The following CLSTN2 variants were observed in gnomAD, a reference collection of about 807,000 sequenced individuals.
CLSTN2 encodes the protein calsyntenin 2, also known as calsyntenin-2.
Under a neutral mutation model 101.2 loss-of-function variants are expected in CLSTN2, and 48 were observed. That is an observed-to-expected ratio of 0.47 (90% confidence interval 0.38 to 0.60). The LOEUF (loss-of-function observed/expected upper bound fraction) is 0.60. Ranked by LOEUF, CLSTN2 falls within the 20% of genes least tolerant of loss-of-function variation. CLSTN2 has a pLI of 0.00. For missense variants in CLSTN2, 1,160 were observed against 1,238.2 expected (o/e 0.94, Z 0.95); for synonymous variants, 481 against 463.6 (o/e 1.04, Z -0.48).
intron 1 of CLSTN2, among the ~76,000 whole-genome samples, chr3:140,052,364 G>A (rs1167817762): frequency 6.6e-6 from 1 of 152,040 alleles, no homozygotes; most frequent in Non-Finnish European, 1.5e-5. Context: ...TACCGTATTG[G>A]CCAGGCTGGC....
At chr3:140,353,492 G>A (rs887030026) in intron 2 of CLSTN2, among the ~76,000 whole-genome samples, 1 of 152,056 alleles carries the variant, frequency 6.6e-6, no homozygotes, top group Non-Finnish European at 1.5e-5. Context: ...CTGATTAGAT[G>A]GTGCCCACCA....
intron 1 of CLSTN2, among the ~76,000 whole-genome samples, chr3:140,104,974 G>A (rs1011914625): frequency 3.6e-5 from 5 of 140,320 alleles, no homozygotes; most frequent in African/African-American, 1.5e-4. Context: ...CCAAGACTTT[G>A]TCTCAAAAAT....
intron 8 of CLSTN2, among the ~76,000 whole-genome samples, chr3:140,478,215 A>T (rs982072490): frequency 1.1e-4 from 17 of 152,244 alleles, no homozygotes; most frequent in African/African-American, 4.1e-4. Flanking sequence ...TAATTTTTTA[A>T]AAAAATTATC....
chr3:140,436,898 G>A (rs572652722), intron 5 of CLSTN2, among the ~76,000 whole-genome samples: 1 of 152,300 alleles, frequency 6.6e-6, no homozygotes, highest in South Asian at 2.1e-4. Context: ...CTGGTGGACA[G>A]TGCTGAGAAA....
intron 1 of CLSTN2, among the ~76,000 whole-genome samples, chr3:139,947,725 C>T (rs921881962): frequency 2.0e-5 from 3 of 152,164 alleles, no homozygotes; most frequent in Non-Finnish European, 4.4e-5. Context: ...GTGCTATCAT[C>T]AGAAATGTCA....
At chr3:140,456,477 T>C (rs894952705) in intron 6 of CLSTN2, among the ~76,000 whole-genome samples, 1 of 152,180 alleles carries the variant, frequency 6.6e-6, no homozygotes, top group Admixed American at 6.5e-5. Context: ...AGGAAAACAA[T>C]AAAGTTCTGT....
At chr3:140,546,877 C>T (rs1935605153) in intron 10 of CLSTN2, among the ~76,000 whole-genome samples, 196 bp downstream of exon 10, 1 of 152,140 alleles carries the variant, frequency 6.6e-6, no homozygotes. Context: ...CTTCTGCTGC[C>T]ATCTTCTGAA....
rs778657160 is a variant in CLSTN2, at chr3:140,448,735, T to C, written c.973+31T>C. On this transcript the variant is annotated intron_variant, in intron 6 of 16. Coordinates refer to ENST00000458420, the MANE Select transcript of CLSTN2 (RefSeq NM_022131.3). ...TTTTTCCCTTTTGGGATTTTAAAAA[T>C]CAATTGCTTTTAAATGATGTATACC... 3 of 1,571,838 alleles carry C rather than the reference T, an allele frequency of 1.9e-6. No homozygotes were observed. The South Asian group carries it at 3.4e-5, about 18-fold the overall frequency.
chr3:140,035,529 A>G (rs2007636367), intron 1 of CLSTN2, among the ~76,000 whole-genome samples: 1 of 152,166 alleles, frequency 6.6e-6, no homozygotes, highest in Non-Finnish European at 1.5e-5. Flanking sequence ...CAAGTTCTAA[A>G]TCTTACTAGC....
chr3:139,966,047 C>T (rs1028703864), intron 1 of CLSTN2, among the ~76,000 whole-genome samples: 7 of 152,166 alleles, frequency 4.6e-5, no homozygotes, highest in African/African-American at 1.4e-4. Context: ...GTCAAAAGAA[C>T]AGACAAGCTA....
intron 2 of CLSTN2, among the ~76,000 whole-genome samples, chr3:140,251,979 A>G (rs1331549541): frequency 6.6e-6 from 1 of 152,100 alleles, no homozygotes; most frequent in East Asian, 1.9e-4. Flanking sequence ...CAGTGGGGAG[A>G]CAGGGCCTAG....
intron 1 of CLSTN2, among the ~76,000 whole-genome samples, chr3:139,958,185 A>G (rs536145896): frequency 4.6e-5 from 7 of 152,206 alleles, no homozygotes; most frequent in African/African-American, 1.7e-4. Context: ...TGTGGCCTGG[A>G]TACATTGTTG....
chr3:140,044,925 G>T (rs7433809), intron 1 of CLSTN2, among the ~76,000 whole-genome samples: 3 of 152,044 alleles, frequency 2.0e-5, no homozygotes, highest in African/African-American at 7.2e-5. Flanking sequence ...TGCTGGATTC[G>T]GTTTGCCAAT....
intron 2 of CLSTN2, among the ~76,000 whole-genome samples, chr3:140,326,027 C>T (rs925589765): frequency 6.6e-5 from 10 of 152,176 alleles, no homozygotes; most frequent in Non-Finnish European, 1.2e-4. Flanking sequence ...ATATACTTTT[C>T]CTTTTCACAC....
At chr3:140,556,317 G>A (rs560603957) in intron 10 of CLSTN2, among the ~76,000 whole-genome samples, 196 bp from the exon 11 acceptor site, 4 of 152,266 alleles carry the variant, frequency 2.6e-5, no homozygotes, top group South Asian at 2.1e-4. Flanking sequence ...GGAAAGGGCC[G>A]CAAAGCCCAC....
At chr3:140,315,432 C>T (rs2087219056) in intron 2 of CLSTN2, among the ~76,000 whole-genome samples, 1 of 152,134 alleles carries the variant, frequency 6.6e-6, no homozygotes, top group African/African-American at 2.4e-5. Context: ...GATTTAAAGC[C>T]CCACAGACCA....
intron 8 of CLSTN2, among the ~76,000 whole-genome samples, chr3:140,529,344 A>C (rs1576613536): frequency 6.6e-6 from 1 of 152,218 alleles, no homozygotes; most frequent in Admixed American, 6.5e-5. Context: ...GGACTAGGCA[A>C]GGCCTCAGGC....
chr3:140,568,064 G>T lies in CLSTN2; in HGVS notation c.*1811G>T, dbSNP rs1258699160. 2.6e-4 allele frequency: 40 copies of T among 152,142 alleles called. No homozygotes were observed. The highest frequency in any genetic ancestry group is 2.6e-3 in the Admixed American group (40 of 15,286). The allele number at this position is 152,142 out of a possible 1,614,324, so 9.4% of individuals were successfully genotyped here. A position where few individuals can be genotyped will look rare whatever the true frequency, so the allele number is the denominator to read the frequency against. On this transcript the variant is annotated 3_prime_UTR_variant, in exon 17 of 17. Transcript: ENST00000458420. ...ACATTTTTGTGATGAGTAAACTGAG[G>T]CTTCGTGATTCAATGTCTTGTTCAG...
intron 12 of CLSTN2, among the ~76,000 whole-genome samples, chr3:140,560,439 T>C (rs557564396): frequency 6.6e-6 from 1 of 152,320 alleles, no homozygotes; most frequent in East Asian, 1.9e-4. Context: ...TATCCCTTGA[T>C]TCCTGGCAAA....
Sources: gnomAD v4.1 joint callset for allele counts (sites outside exome capture counted in the v4.1 genomes callset) on GRCh38, gnomAD v4.1.1 for gene constraint, MANE v1.5 for transcripts, NCBI Gene and HGNC (gene_info 2026-07-23, HGNC 2026-07-21) for gene names.